The following ATAD5 variants were observed in gnomAD, a reference collection of about 807,000 sequenced individuals.
ATAD5 encodes ATPase family AAA domain containing 5.
ATAD5 carries 58 observed loss-of-function variants against 176.9 expected under a neutral mutation model. The ratio of observed to expected loss-of-function variants is 0.33; its 90% CI spans 0.27 to 0.41. The LOEUF (loss-of-function observed/expected upper bound fraction) is 0.41. ATAD5 is among the 10% of genes least tolerant of loss of function. The pLI is 1.00. For synonymous variants in ATAD5, 640 were observed against 712.6 expected, an observed-to-expected ratio of 0.90 and a Z score of 1.62; for missense variants, 1,789 against 2,094.1, an observed-to-expected ratio of 0.85 and a Z score of 2.84.
At chr17:30,866,953 A>G (rs1908024839) in intron 11 of ATAD5, among the ~76,000 whole-genome samples, 1 of 152,100 alleles carries the variant, frequency 6.6e-6, no homozygotes, top group Non-Finnish European at 1.5e-5. Flanking sequence ...TTCTAAAACA[A>G]TCTGGTCCAA....
At chr17:30,884,643 T>G (rs76065403) in intron 18 of ATAD5, among the ~76,000 whole-genome samples, 19,878 of 150,722 alleles carry the variant, frequency 0.13, 1,458 homozygotes, top group South Asian at 0.24. Context: ...TGGCCAGGCT[T>G]GTCTCGAACT....
chr17:30,875,070 A>G (rs1313716309), intron 14 of ATAD5, among the ~76,000 whole-genome samples: 1 of 152,092 alleles, frequency 6.6e-6, no homozygotes, highest in East Asian at 1.9e-4. Context: ...CTAATATACA[A>G]GGGCTATGAT....
intron 6 of ATAD5, among the ~76,000 whole-genome samples, chr17:30,847,693 A>G (rs190292588): frequency 1.4e-5 from 2 of 146,354 alleles, no homozygotes; most frequent in African/African-American, 2.5e-5. Context: ...GTATTTGGCT[A>G]TTATTAAATA....
chr17:30,845,311 T>C (rs1453633733), intron 6 of ATAD5, among the ~76,000 whole-genome samples: 4 of 152,128 alleles, frequency 2.6e-5, no homozygotes, highest in Admixed American at 1.3e-4. Context: ...TAAACATTCA[T>C]TGGGTCAACA....
intron 2 of ATAD5, 69 bp downstream of exon 2, chr17:30,836,117 C>T: frequency 1.5e-6 from 2 of 1,327,600 alleles, no homozygotes; most frequent in Non-Finnish European, 2.0e-6. Flanking sequence ...AAAAATGCTT[C>T]AAGTATTGGA....
intron 15 of ATAD5, 125 bp downstream of exon 15, chr17:30,876,675 C>A: frequency 7.6e-5 from 21 of 277,958 alleles, no homozygotes; most frequent in Non-Finnish European, 1.2e-4. Flanking sequence ...GAAGGTTCTA[C>A]ATGTAGAAGT....
chr17:30,854,351 T>G (rs1287120333), intron 6 of ATAD5, among the ~76,000 whole-genome samples: 1 of 142,942 alleles, frequency 7.0e-6, no homozygotes, highest in Non-Finnish European at 1.5e-5. Flanking sequence ...TTTAATACAT[T>G]TTATTAAATT....
At chr17:30,843,337 G>C (rs898174616) in intron 4 of ATAD5, among the ~76,000 whole-genome samples, 2 of 151,624 alleles carry the variant, frequency 1.3e-5, no homozygotes, top group African/African-American at 4.8e-5. Context: ...GGGTGGCAGA[G>C]TGAGACCCTG....
chr17:30,837,467 A>G (rs1321733318), intron 3 of ATAD5, among the ~76,000 whole-genome samples, 153 bp downstream of exon 3: 1 of 152,170 alleles, frequency 6.6e-6, no homozygotes, highest in Non-Finnish European at 1.5e-5. Flanking sequence ...ATTTTTCACT[A>G]TTATCCTGTT....
rs757190920 is a variant in ATAD5 at position 30,832,429 on chromosome 17, G to A, written c.66+16G>A. ...CGAGATTGAGGTGAGGTTGAGTCGA[G>A]GATCTGTTGAGTTCCTTCCTCTATC... On this transcript the variant is annotated intron_variant, in intron 1 of 22. Transcript: ENST00000321990. 22 of 1,546,312 alleles carry A rather than the reference G, an allele frequency of 1.4e-5. No homozygotes were observed. The African/African-American group carries it at 3.1e-4, about 22-fold the overall frequency.
At chr17:30,891,226 G>T (rs1276215665) in intron 19 of ATAD5, among the ~76,000 whole-genome samples, 1 of 151,958 alleles carries the variant, frequency 6.6e-6, no homozygotes, top group Non-Finnish European at 1.5e-5. Context: ...GTATATGATG[G>T]TTTTTTTATG....
At chr17:30,832,531 A>G (rs773457453) in intron 1 of ATAD5, 118 bp downstream of exon 1, 13 of 1,028,530 alleles carry the variant, frequency 1.3e-5, no homozygotes, top group African/African-American at 1.7e-5. Context: ...CATTGTGAGG[A>G]CCCACAGCTG....
intron 6 of ATAD5, among the ~76,000 whole-genome samples, chr17:30,845,194 A>G (rs1211086627): frequency 6.6e-6 from 1 of 152,192 alleles, no homozygotes; most frequent in Non-Finnish European, 1.5e-5. Flanking sequence ...AATACCTACT[A>G]GTATGTACCA....
intron 19 of ATAD5, among the ~76,000 whole-genome samples, chr17:30,890,874 A>C (rs1909602328): frequency 6.6e-6 from 1 of 150,982 alleles, no homozygotes; most frequent in South Asian, 2.1e-4. Context: ...ATACTTATTT[A>C]GCAAAATTAA....
Position 30,892,800 on chromosome 17 carries a change from G to T in ATAD5, c.4440+12G>T. The T allele has an allele frequency of 6.6e-7, 1 of 1,514,206 alleles. No homozygotes were observed. Among genetic ancestry groups the T allele is most frequent in the South Asian group, 1.3e-5 (1 of 76,478 alleles). The allele number at this position is 1,514,206 out of a possible 1,614,324, so 93.8% of individuals were successfully genotyped here. A position where few individuals can be genotyped will look rare whatever the true frequency, so the allele number is the denominator to read the frequency against. ...TTTCATTTTTAAAGGTATTTTCAAT[G>T]TCTGTTTTGCAATGTTGAATTTATA... On this transcript the variant is annotated intron_variant, in intron 20 of 22. Transcript: ENST00000321990.
intron 5 of ATAD5, among the ~76,000 whole-genome samples, chr17:30,844,292 C>T (rs8074618): frequency 0.09 from 13,720 of 151,808 alleles, 1,785 homozygotes; most frequent in African/African-American, 0.29. Context: ...CCACCATGCC[C>T]GGCTAATTTT....
At chr17:30,894,425 G>T in intron 21 of ATAD5, 139 bp from the exon 22 acceptor site, 1 of 850,046 alleles carries the variant, frequency 1.2e-6, no homozygotes, top group Non-Finnish European at 1.8e-6. Flanking sequence ...GTATGGGAGT[G>T]ATTGATGTGT....
At chr17:30,874,797 A>C (rs1908568360) in intron 14 of ATAD5, among the ~76,000 whole-genome samples, 1 of 150,822 alleles carries the variant, frequency 6.6e-6, no homozygotes, top group South Asian at 2.1e-4. Context: ...TCCCCAGCTA[A>C]TTTTTGTATT....
intron 10 of ATAD5, chr17:30,862,754 A>G (rs1907717420): frequency 6.6e-6 from 1 of 152,142 alleles, no homozygotes; most frequent in Non-Finnish European, 1.5e-5. Context: ...TTCAGTATAT[A>G]TAGCTTTTCC....
Sources: allele counts gnomAD v4.1 joint callset (sites outside exome capture counted in the v4.1 genomes callset), GRCh38; gene constraint gnomAD v4.1.1; transcripts MANE v1.5; gene names NCBI Gene and HGNC (gene_info 2026-07-23, HGNC 2026-07-21).